Variants in DNER observed in about 807,000 individuals in gnomAD.
DNER encodes delta and Notch-like epidermal growth factor-related receptor.
Under a neutral mutation model 78.2 loss-of-function variants are expected in DNER, and 33 were observed. The observed-to-expected ratio is 0.42, with a 90% CI of 0.32 to 0.56. The LOEUF (loss-of-function observed/expected upper bound fraction) is 0.56, where lower values mean the gene tolerates loss of function less well. Among genes scored for constraint, DNER ranks in the 20% least tolerant of loss-of-function variants. The probability of loss-of-function intolerance (pLI) is 0.11; values close to 1 mark genes in which losing one functional copy is unlikely to be tolerated. For missense variants in DNER, 918 were observed against 975.3 expected (o/e 0.94, Z 0.78); for synonymous variants, 417 against 384.8 (o/e 1.08, Z -0.98).
intron 1 of DNER, among the ~76,000 whole-genome samples, chr2:229,657,747 C>T (rs1488599288): frequency 6.6e-6 from 1 of 152,198 alleles, no homozygotes; most frequent in Non-Finnish European, 1.5e-5. Flanking sequence ...AACAGCTTCT[C>T]CATCTCTGAG....
intron 11 of DNER, among the ~76,000 whole-genome samples, chr2:229,382,848 T>C (rs1692774855): frequency 6.6e-6 from 1 of 152,128 alleles, no homozygotes; most frequent in Admixed American, 6.5e-5. Context: ...CTTTTTAGGA[T>C]ATTATCCGGG....
intron 4 of DNER, among the ~76,000 whole-genome samples, chr2:229,553,745 G>A (rs1375438247): frequency 6.6e-6 from 1 of 152,166 alleles, no homozygotes. Flanking sequence ...GCCCTGTACT[G>A]GTTGAGAAAA....
chr2:229,556,395 C>CTA (rs1199178993), intron 4 of DNER, among the ~76,000 whole-genome samples: 1 of 152,220 alleles, frequency 6.6e-6, no homozygotes, highest in Non-Finnish European at 1.5e-5. Flanking sequence ...GATTCAGAAT[C>CTA]TATAGTCTTG....
chr2:229,484,502 C>T (rs1033402824), intron 6 of DNER, among the ~76,000 whole-genome samples: 11 of 152,178 alleles, frequency 7.2e-5, no homozygotes, highest in African/African-American at 1.9e-4. Context: ...CTCTGCAATA[C>T]GGCAAATCAA....
At position 229,515,050 on chromosome 2, in the gene DNER, T is replaced by C. The variant is rs1695942721; in HGVS notation, c.994-2114A>G. Among the ~76,000 whole-genome samples, 3 of 152,360 alleles carry C rather than the reference T, an allele frequency of 2.0e-5. No individual in the cohort carries two copies. In the South Asian group the frequency reaches 6.2e-4, roughly 32 times the overall value. The stretch of plus-strand genomic sequence containing the variant: ...TTAAAAAAATCCTTTCTTCTTAAGC[T>C]GGAGCTATATTTTCTGCCTTCTATT... On this transcript the variant is annotated intron_variant, in intron 5 of 12. Transcript: ENST00000341772.
At chr2:229,546,177 T>C (rs1437562035) in intron 5 of DNER, among the ~76,000 whole-genome samples, 4 of 152,220 alleles carry the variant, frequency 2.6e-5, no homozygotes, top group African/African-American at 9.6e-5. Context: ...AGGACCTCTT[T>C]AGCAAATGCA....
intron 4 of DNER, among the ~76,000 whole-genome samples, chr2:229,548,328 A>G (rs746628476): frequency 6.6e-6 from 1 of 152,214 alleles, no homozygotes; most frequent in Non-Finnish European, 1.5e-5. Context: ...AATAGCAAAG[A>G]CTTGGAACCA....
intron 8 of DNER, among the ~76,000 whole-genome samples, chr2:229,431,939 C>T (rs1000203036): frequency 2.4e-4 from 36 of 152,134 alleles, no homozygotes; most frequent in African/African-American, 8.4e-4. Flanking sequence ...CTACAGCTTG[C>T]AAATTCACCA....
chr2:229,388,189 C>A, intron 11 of DNER, 76 bp downstream of exon 11: 2 of 1,517,440 alleles, frequency 1.3e-6, no homozygotes, highest in Admixed American at 2.0e-5. Flanking sequence ...CAGTCGGCAT[C>A]TTCTTCATGA....
chr2:229,676,727 G>C (rs1367098254), intron 1 of DNER, among the ~76,000 whole-genome samples: 2 of 152,312 alleles, frequency 1.3e-5, no homozygotes, highest in African/African-American at 4.8e-5. Flanking sequence ...AGGAAACAGG[G>C]CTGGGTTTTT....
intron 6 of DNER, among the ~76,000 whole-genome samples, chr2:229,500,525 T>C (rs990713526): frequency 2.0e-5 from 3 of 152,232 alleles, no homozygotes; most frequent in African/African-American, 7.2e-5. Flanking sequence ...GTAATCTCCC[T>C]ACTGGATATA....
intron 6 of DNER, 69 bp from the exon 7 acceptor site, chr2:229,477,322 T>C (rs766728039): frequency 3.7e-5 from 43 of 1,166,350 alleles, no homozygotes; most frequent in Admixed American, 1.1e-4. Context: ...ACTCTAGGAA[T>C]TGATGGATTC....
chr2:229,470,353 G>C (rs563833606), intron 7 of DNER, among the ~76,000 whole-genome samples: 1 of 152,262 alleles, frequency 6.6e-6, no homozygotes, highest in African/African-American at 2.4e-5. Context: ...GGGAAAGAAA[G>C]CTAATGTGGG....
intron 8 of DNER, among the ~76,000 whole-genome samples, chr2:229,438,093 C>G (rs901808194): frequency 2.0e-5 from 3 of 152,182 alleles, no homozygotes; most frequent in African/African-American, 7.2e-5. Context: ...TAGTTCTCAG[C>G]ATCAATTTCA....
chr2:229,658,888 T>C (rs1317838194), intron 1 of DNER, among the ~76,000 whole-genome samples: 2 of 152,194 alleles, frequency 1.3e-5, no homozygotes, highest in African/African-American at 2.4e-5. Context: ...AAATAAATTA[T>C]AATAGAAGGT....
chr2:229,443,408 C>G (rs1406443962), intron 8 of DNER, among the ~76,000 whole-genome samples: 1 of 152,180 alleles, frequency 6.6e-6, no homozygotes, highest in Non-Finnish European at 1.5e-5. Context: ...TGTAGCAGCT[C>G]CAAGTTCTCA....
At chr2:229,516,590 T>C (rs1695976019) in intron 5 of DNER, among the ~76,000 whole-genome samples, 1 of 152,054 alleles carries the variant, frequency 6.6e-6, no homozygotes, top group African/African-American at 2.4e-5. Context: ...TCAATTTTCC[T>C]CAACAGCTTG....
chr2:229,684,900 TATA>T (rs1187876881), intron 1 of DNER, among the ~76,000 whole-genome samples: 2 of 152,208 alleles, frequency 1.3e-5, no homozygotes, highest in South Asian at 2.1e-4. Context: ...TTTGAAGAAT[TATA>T]ATGAGAATCA....
chr2:229,596,021 C>T (rs1423969212), intron 1 of DNER, among the ~76,000 whole-genome samples: 1 of 151,926 alleles, frequency 6.6e-6, no homozygotes, highest in African/African-American at 2.4e-5. Flanking sequence ...TCTTCTCACA[C>T]AAATTTTAAA....
Sources: gnomAD v4.1 joint callset for allele counts (sites outside exome capture counted in the v4.1 genomes callset) on GRCh38, gnomAD v4.1.1 for gene constraint, MANE v1.5 for transcripts, NCBI Gene and HGNC (gene_info 2026-07-23, HGNC 2026-07-21) for gene names.